The following TFAP2D variants were observed in gnomAD, a reference collection of about 807,000 sequenced individuals.
The protein encoded by TFAP2D is transcription factor AP-2 delta.
Under a neutral mutation model 43.6 loss-of-function variants are expected in TFAP2D, and 9 were observed. The observed-to-expected ratio is 0.21, with a 90% CI of 0.12 to 0.36. The LOEUF is 0.36. TFAP2D is among the 10% of genes least tolerant of loss of function. TFAP2D has a pLI of 1.00. For synonymous variants in TFAP2D, 256 were observed against 224.9 expected (o/e 1.14, Z -1.24); for missense variants, 513 against 561.4 (o/e 0.91, Z 0.87).
Position 50,715,228 on chromosome 6 carries a change from C to G in TFAP2D, c.152C>G (p.Thr51Ser), listed in dbSNP as rs1405257199. 1.2e-6 allele frequency: 2 copies of G among 1,613,978 alleles called. No homozygotes were observed. Among genetic ancestry groups the G allele is most frequent in the Middle Eastern group, 1.6e-4 (1 of 6,084 alleles). The change falls in exon 2 of 8, where the codon ACC (threonine) becomes AGC (serine). Residue 51 changes from threonine (T) to serine (S), a missense_variant. By Grantham distance (58) the Thr-to-Ser change is moderately conservative. Coordinates refer to ENST00000008391, the MANE Select transcript of TFAP2D (RefSeq NM_172238.4). The stretch of plus-strand genomic sequence containing the variant: ...TCCTCTCCTTTAACTTACTCCACCA[C>G]CGGCACCGAGTTTGCGTCCCCCTAC... ...SSSSPLTYSTTGTEFASPYFS... is the reference protein window; with the variant it reads ...SSSSPLTYSTSGTEFASPYFS...
intron 5 of TFAP2D, among the ~76,000 whole-genome samples, chr6:50,732,207 G>A (rs1768904562): frequency 1.3e-5 from 2 of 151,932 alleles, no homozygotes; most frequent in African/African-American, 4.8e-5. Context: ...GTCTTTCTAT[G>A]GTCTTGTGGG....
At position 50,745,197 on chromosome 6, in the gene TFAP2D, A is replaced by G. The variant is rs1398728390; in HGVS notation, c.974A>G (p.His325Arg). ...KAVGEHLARQ[H>R]MEQKEQTARK... ...GTAGGAGAACATCTTGCCAGACAAC[A>G]TATGGAACAGAAAGAACAGACAGCA... Residue 325 changes from histidine (H) to arginine (R), a missense_variant, in exon 6 of 8, where the codon CAT becomes CGT. Physicochemically the swap from His to Arg is conservative, Grantham distance 29. This residue lies in a region of TFAP2D where 199 missense variants were observed against 227.9 expected (regional missense o/e 0.87). Coordinates refer to ENST00000008391, the MANE Select transcript of TFAP2D (RefSeq NM_172238.4). The G allele has an allele frequency of 1.2e-6, 2 of 1,613,766 alleles. No individual in the cohort carries two copies. The highest frequency in any genetic ancestry group is 1.7e-5 in the Admixed American group (1 of 59,936).
intron 5 of TFAP2D, among the ~76,000 whole-genome samples, chr6:50,740,395 A>T (rs552510148): frequency 9.9e-5 from 15 of 152,204 alleles, no homozygotes; most frequent in East Asian, 1.9e-4. Flanking sequence ...TAATTTTTTT[A>T]AAAAATACCA....
chr6:50,716,851 T>A (rs1768635965), intron 2 of TFAP2D, among the ~76,000 whole-genome samples: 1 of 152,192 alleles, frequency 6.6e-6, no homozygotes. Flanking sequence ...GCACAAAAAA[T>A]CTTTCCTCCT....
At chr6:50,769,665 A>G (rs1348528456) in intron 7 of TFAP2D, among the ~76,000 whole-genome samples, 2 of 152,232 alleles carry the variant, frequency 1.3e-5, no homozygotes, top group Non-Finnish European at 1.5e-5. Context: ...CTGCCCAAGT[A>G]CAAAGTTAAG....
chr6:50,714,025 A>G lies in TFAP2D; in HGVS notation c.-31A>G. 1 of 1,612,274 alleles carries G rather than the reference A, an allele frequency of 6.2e-7. No homozygotes were observed. On this transcript the variant is annotated 5_prime_UTR_variant, in exon 1 of 8. Transcript: ENST00000008391. ...CCCGATTCTTTTTTTGGAGGGGGAA[A>G]TTGCATCGTAAGCTTTCGGAGAAAC...
At chr6:50,742,805 T>C (rs1201518797) in intron 5 of TFAP2D, among the ~76,000 whole-genome samples, 1 of 151,988 alleles carries the variant, frequency 6.6e-6, no homozygotes, top group Non-Finnish European at 1.5e-5. Flanking sequence ...TCCACATGAG[T>C]TTATCCTCTG....
In TFAP2D at chr6:50,715,443, A is replaced by G. The variant is rs766817193; in HGVS notation, c.367A>G (p.Lys123Glu). The G allele has an allele frequency of 6.2e-7, 1 of 1,614,138 alleles. No homozygotes were observed. The stretch of plus-strand genomic sequence containing the variant: ...TAACCTGCACAATGCGCGGGCGCTC[A>G]AGTCGTCCTGCCTGGACGAGCAGAG... Reference protein sequence around the residue: ...FINLHNARALKSSCLDEQRRE... With the variant: ...FINLHNARALESSCLDEQRRE... Residue 123 changes from lysine (K) to glutamate (E), a missense_variant, in exon 2 of 8, where the codon AAG (lysine) becomes GAG (glutamate). Transcript: ENST00000008391.
chr6:50,720,486 A>AACAC (rs59484837), intron 3 of TFAP2D, among the ~76,000 whole-genome samples: 3,985 of 139,012 alleles, frequency 0.029, 61 homozygotes, highest in African/African-American at 0.04. Flanking sequence ...TGGAGATTAA[A>AACAC]ACACACACAC....
intron 3 of TFAP2D, among the ~76,000 whole-genome samples, chr6:50,726,484 G>A (rs943503353): frequency 6.6e-6 from 1 of 152,196 alleles, no homozygotes; most frequent in Admixed American, 6.5e-5. Context: ...TAGTATGCAA[G>A]AGAGGAAAGT....
intron 7 of TFAP2D, among the ~76,000 whole-genome samples, chr6:50,760,575 T>C (rs1292099373): frequency 6.6e-6 from 1 of 152,096 alleles, no homozygotes; most frequent in Non-Finnish European, 1.5e-5. Flanking sequence ...GAGAACTAGA[T>C]ACTTTAATTG....
chr6:50,739,179 G>T (rs1010777476), intron 5 of TFAP2D, among the ~76,000 whole-genome samples: 2 of 151,934 alleles, frequency 1.3e-5, no homozygotes, highest in Non-Finnish European at 2.9e-5. Flanking sequence ...CCATTAACTC[G>T]TCATTTACAT....
chr6:50,751,524 A>G (rs1035340438), intron 7 of TFAP2D, among the ~76,000 whole-genome samples, 200 bp downstream of exon 7: 17 of 151,878 alleles, frequency 1.1e-4, no homozygotes, highest in Non-Finnish European at 2.1e-4. Flanking sequence ...GAGGCCTGGG[A>G]AGTCTGAGAT....
chr6:50,766,201 C>T (rs541552183), intron 7 of TFAP2D, among the ~76,000 whole-genome samples: 1 of 152,234 alleles, frequency 6.6e-6, no homozygotes, highest in South Asian at 2.1e-4. Flanking sequence ...TTTCTAGACT[C>T]GTTCTGTTCC....
chr6:50,757,589 C>A (rs1581776123), intron 7 of TFAP2D, among the ~76,000 whole-genome samples: 2 of 61,140 alleles, frequency 3.3e-5, no homozygotes, highest in Non-Finnish European at 5.6e-5. Context: ...TATAATTATT[C>A]TATATATATA....
chr6:50,766,845 T>C (rs1045065033), intron 7 of TFAP2D, among the ~76,000 whole-genome samples: 48 of 151,724 alleles, frequency 3.2e-4, no homozygotes, highest in Middle Eastern at 3.4e-3. Context: ...ATTTTTTGTA[T>C]TTTTAGTAGA....
intron 3 of TFAP2D, 134 bp from the exon 4 acceptor site, chr6:50,728,722 G>A: frequency 1.3e-6 from 1 of 796,558 alleles, no homozygotes; most frequent in South Asian, 1.8e-5. Context: ...TCCCTGCGAT[G>A]ATCTGGGGGA....
At chr6:50,766,876 GC>G (rs1196549888) in intron 7 of TFAP2D, among the ~76,000 whole-genome samples, 1 of 151,612 alleles carries the variant, frequency 6.6e-6, no homozygotes, top group Non-Finnish European at 1.5e-5. Context: ...CACCTTGTTA[GC>G]CAGGATGGTC....
intron 5 of TFAP2D, among the ~76,000 whole-genome samples, chr6:50,733,721 C>G (rs142087929): frequency 2.4e-4 from 36 of 152,140 alleles, no homozygotes; most frequent in African/African-American, 8.4e-4. Flanking sequence ...ATGACCTTGT[C>G]CTTCCTGCAT....
Sources: allele counts gnomAD v4.1 joint callset (sites outside exome capture counted in the v4.1 genomes callset), GRCh38; gene constraint gnomAD v4.1.1; regional missense constraint gnomAD v4.1.1; transcripts MANE v1.5; gene names NCBI Gene and HGNC (gene_info 2026-07-23, HGNC 2026-07-21).